Variants in DNAH10 observed in about 807,000 individuals in gnomAD.
The protein encoded by DNAH10 is dynein axonemal heavy chain 10.
DNAH10 carries 348 observed loss-of-function variants against 506.6 expected under a neutral mutation model. That is an observed-to-expected ratio of 0.69 (90% CI 0.63 to 0.75). The LOEUF is 0.75. DNAH10 is among the 30% of genes least tolerant of loss of function. The pLI is 0.00. For missense variants in DNAH10, 5,179 were observed against 5,787.1 expected, an observed-to-expected ratio of 0.89 and a Z score of 3.41; for synonymous variants, 2,059 against 2,198.6, an observed-to-expected ratio of 0.94 and a Z score of 1.78.
intron 35 of DNAH10, among the ~76,000 whole-genome samples, chr12:123,852,774 A>T (rs563616510): frequency 6.6e-6 from 1 of 152,230 alleles, no homozygotes; most frequent in African/African-American, 2.4e-5. Context: ...GGGTTTCACC[A>T]TGTTGGCTAG....
intron 47 of DNAH10, among the ~76,000 whole-genome samples, chr12:123,876,746 G>A (rs552689370): frequency 6.6e-6 from 1 of 152,238 alleles, no homozygotes; most frequent in Admixed American, 6.5e-5. Flanking sequence ...CGGATCACTC[G>A]AGCCCAGCAG....
chr12:123,931,331 G>C lies in DNAH10; in HGVS notation c.12785-10G>C, dbSNP rs371356359. ...GACAGTGCCACCTCCGTTGTTCTCT[G>C]TGATTGCAGAAGCCATCGAGGCCCT... On this transcript the variant is annotated splice_polypyrimidine_tract_variant and intron_variant, in intron 73 of 78. Coordinates refer to ENST00000673944, the MANE Select transcript of DNAH10 (RefSeq NM_001372106.1). 1.2e-6 allele frequency: 2 copies of C among 1,613,164 alleles called. No homozygotes were observed. The highest frequency in any genetic ancestry group is 1.7e-6 in the Non-Finnish European group (2 of 1,179,846).
chr12:123,863,804 G>A (rs1290854838), intron 39 of DNAH10, among the ~76,000 whole-genome samples: 2 of 152,204 alleles, frequency 1.3e-5, no homozygotes, highest in African/African-American at 4.8e-5. Flanking sequence ...TTGGTGGGGG[G>A]TGGGTACCAT....
chr12:123,914,969 C>G lies in DNAH10; in HGVS notation c.10692C>G (p.Ile3564Met), dbSNP rs369330566. 7 of 1,610,694 alleles carry G rather than the reference C, an allele frequency of 4.3e-6. No individual in the cohort carries two copies. Among genetic ancestry groups the G allele is most frequent in the Admixed American group, 1.7e-5 (1 of 59,530 alleles). Residue 3564 changes from isoleucine (I) to methionine (M), a missense_variant, in exon 62 of 79, where the codon ATC becomes ATG. Around this residue, in one of 3 missense-constraint regions of DNAH10, gnomAD observed 4,844 missense variants for 5,430.5 expected, o/e 0.89. Coordinates refer to ENST00000673944, the MANE Select transcript of DNAH10 (RefSeq NM_001372106.1). ...CCCAGCAGCAGGCCCTCAACTGGAT[C>G]AAGAGAAAAGAGGAGAAGAACAATC... Reference protein sequence around the residue: ...IDPQQQALNWIKRKEEKNNLR... With the variant: ...IDPQQQALNWMKRKEEKNNLR...
chr12:123,929,535 C>A, intron 71 of DNAH10, 51 bp downstream of exon 71: 1 of 1,589,346 alleles, frequency 6.3e-7, no homozygotes, highest in South Asian at 1.1e-5. Flanking sequence ...CGGCCCACTT[C>A]CTCCCGACTT....
chr12:123,871,370 G>A (rs986516567), intron 44 of DNAH10, 87 bp from the exon 45 acceptor site: 45 of 1,454,094 alleles, frequency 3.1e-5, no homozygotes, highest in Non-Finnish European at 4.0e-5. Flanking sequence ...TATGGGATTT[G>A]TGGGGTTCTA....
intron 3 of DNAH10, among the ~76,000 whole-genome samples, chr12:123,772,489 A>G (rs999911060): frequency 6.6e-6 from 1 of 152,224 alleles, no homozygotes; most frequent in African/African-American, 2.4e-5. Flanking sequence ...GCTAGGATGT[A>G]AGCATTCAGC....
chr12:123,931,699 A>G lies in DNAH10; in HGVS notation c.12980A>G (p.Asn4327Ser). The G allele has an allele frequency of 6.2e-7, 1 of 1,614,010 alleles. No individual in the cohort carries two copies. The highest frequency in any genetic ancestry group is 8.5e-7 in the Non-Finnish European group (1 of 1,179,898). Residue 4327 changes from asparagine to serine, a missense_variant, in exon 75 of 79, where the codon AAC (asparagine) becomes AGC (serine). Coordinates refer to ENST00000673944, the MANE Select transcript of DNAH10 (RefSeq NM_001372106.1). ...GGCCAAGTGGCCAAAGAAATAGAAA[A>G]CAAGATGCCCAAAGTCTTTGACTTG... is the stretch of plus-strand genomic sequence containing the variant. ...YIGQVAKEIENKMPKVFDLDQ... is the reference protein window; with the variant it reads ...YIGQVAKEIESKMPKVFDLDQ...
chr12:123,847,263 T>TATCC lies in DNAH10; in HGVS notation c.5815-685_5815-682dup, dbSNP rs71444921. On this transcript the variant is annotated intron_variant, in intron 32 of 78. Coordinates refer to ENST00000673944, the MANE Select transcript of DNAH10 (RefSeq NM_001372106.1). ...CTATCTATCTATCTATCTATCTATC[T>TATCC]ATCCATCCATCCATCCTGTCTATTT... Among the ~76,000 whole-genome samples the TATCC allele has an allele frequency of 2.9e-3, 345 of 118,082 alleles. 2 individuals carry two copies. The highest frequency in any genetic ancestry group is 0.01 in the African/African-American group (280 of 26,876). The allele number at this position is 118,082 out of a possible 152,430, so 77.5% of individuals were successfully genotyped here. A position where few individuals can be genotyped will look rare whatever the true frequency, so the allele number is the denominator to read the frequency against.
rs1486508630 is a variant in DNAH10 at position 123,850,525 on chromosome 12, G to T, written c.6103-363G>T. ...TCGCCACAGCCGTGCCACGAGGTGG[G>T]TTGCATTTCTGTTGTGCAGAAAAAT... On this transcript the variant is annotated intron_variant, in intron 34 of 78. Transcript: ENST00000673944. The surrounding 1 kb of genome is among the most constrained non-coding windows in gnomAD (Gnocchi z 5.5). Among the ~76,000 whole-genome samples the T allele has an allele frequency of 2.0e-5, 3 of 152,320 alleles. 1 individual carries two copies. Among genetic ancestry groups the T allele is most frequent in the Admixed American group, 6.5e-5 (1 of 15,304 alleles).
intron 57 of DNAH10, chr12:123,908,355 A>G (rs942535224): frequency 1.8e-5 from 8 of 455,820 alleles, no homozygotes; most frequent in Non-Finnish European, 2.6e-5. Context: ...ACCAGAGCAC[A>G]AATGCCTGGG....
rs1283951087 is a variant in DNAH10, at chr12:123,770,971, A to ACTTTTTTTTTTTTTTTTTTTTT, written c.299-630_299-629insCTTTTTTTTTTTTTTTTTTTTT. On this transcript the variant is annotated intron_variant, in intron 2 of 78. Transcript: ENST00000673944. ...AGTAAATGCTAACATGCTAGCTGTA[A>ACTTTTTTTTTTTTTTTTTTTTT]TTCTTTTTTTTTTTTTTTTTTGAGA... Among the ~76,000 whole-genome samples the ACTTTTTTTTTTTTTTTTTTTTT allele has an allele frequency of 1.7e-5, 2 of 117,888 alleles. 1 individual carries two copies. The highest frequency in any genetic ancestry group is 6.8e-5 in the African/African-American group (2 of 29,560). The allele number at this position is 117,888 out of a possible 152,430, so 77.3% of individuals were successfully genotyped here. A position where few individuals can be genotyped will look rare whatever the true frequency, so the allele number is the denominator to read the frequency against.
At chr12:123,772,811 G>A (rs1957303532) in intron 3 of DNAH10, 23 bp from the exon 4 acceptor site, 1 of 1,552,464 alleles carries the variant, frequency 6.4e-7, no homozygotes, top group Non-Finnish European at 8.8e-7. Flanking sequence ...AAGAATGAAT[G>A]GTTTTTGTTC....
chr12:123,800,661 GAC>G (rs2136275936), intron 15 of DNAH10, among the ~76,000 whole-genome samples: 1 of 149,088 alleles, frequency 6.7e-6, no homozygotes, highest in South Asian at 2.1e-4. Context: ...CAGCCTGGGA[GAC>G]AGAGCGAGAG....
chr12:123,919,034 G>T lies in DNAH10; in HGVS notation c.11506+85G>T. The T allele has an allele frequency of 7.1e-7, 1 of 1,411,480 alleles. No homozygotes were observed. The allele number at this position is 1,411,480 out of a possible 1,614,324, so 87.4% of individuals were successfully genotyped here. Reference sequence around the variant, plus strand: ...TAAGGAAACGTGATCTGTGAAAATGGAAAGTTACCAAATAGCATTTTTTCT... The same window carrying T: ...TAAGGAAACGTGATCTGTGAAAATGTAAAGTTACCAAATAGCATTTTTTCT... On this transcript the variant is annotated intron_variant, in intron 65 of 78. Transcript: ENST00000673944. This position sits in a 1 kb window ranked among gnomAD's most constrained non-coding sequence, Gnocchi z 4.9.
rs1238984793 is a variant in DNAH10, at chr12:123,916,308, T to C, written c.10723-149T>C. The C allele has an allele frequency of 3.1e-6, 3 of 982,878 alleles. No individual in the cohort carries two copies. Among genetic ancestry groups the C allele is most frequent in the Non-Finnish European group, 4.5e-6 (3 of 666,290 alleles). The allele number at this position is 982,878 out of a possible 1,614,324, so 60.9% of individuals were successfully genotyped here. ...CCTGGACCTCATGGTGTATATGCGTTATACCCCTTGCTTCTCTCTTCTTTT... is the reference window on the plus strand; with the variant it reads ...CCTGGACCTCATGGTGTATATGCGTCATACCCCTTGCTTCTCTCTTCTTTT... On this transcript the variant is annotated intron_variant, in intron 62 of 78. Coordinates refer to ENST00000673944, the MANE Select transcript of DNAH10 (RefSeq NM_001372106.1). The surrounding 1 kb of genome is among the most constrained non-coding windows in gnomAD (Gnocchi z 4.6).
At chr12:123,929,143 CTT>C (rs1344778041) in intron 70 of DNAH10, 130 bp from the exon 71 acceptor site, 9 of 909,102 alleles carry the variant, frequency 9.9e-6, no homozygotes, top group Non-Finnish European at 1.5e-5. Context: ...GGACAAGAGA[CTT>C]TAGCTATTGG....
chr12:123,803,381 A>G (rs1685297650), intron 16 of DNAH10, among the ~76,000 whole-genome samples: 1 of 152,184 alleles, frequency 6.6e-6, no homozygotes, highest in African/African-American at 2.4e-5. Flanking sequence ...GAAGACAGCT[A>G]GGCTTGATAG....
At chr12:123,933,693 GGATACGGAAGTTTCTC>G (rs1472294349) in intron 77 of DNAH10, among the ~76,000 whole-genome samples, 182 bp downstream of exon 77, 22 of 152,220 alleles carry the variant, frequency 1.4e-4, no homozygotes, top group Admixed American at 1.4e-3. Flanking sequence ...CTCTGAGGGT[GGATACGGAAGTTTCTC>G]TTCCACTTTC....
Sources: gnomAD v4.1 joint callset for allele counts (sites outside exome capture counted in the v4.1 genomes callset) on GRCh38, gnomAD v4.1.1 for gene constraint, gnomAD v4.1.1 regional missense constraint, Gnocchi (gnomAD v3.1) non-coding constraint, MANE v1.5 for transcripts, NCBI Gene and HGNC (gene_info 2026-07-23, HGNC 2026-07-21) for gene names.